Variants in AUTS2 observed in about 807,000 individuals in gnomAD.
AUTS2 encodes activator of transcription and developmental regulator AUTS2.
A neutral mutation model predicts 112.4 loss-of-function variants in AUTS2; 17 were observed. The observed-to-expected ratio is 0.15, with a 90% CI of 0.10 to 0.23. The LOEUF (loss-of-function observed/expected upper bound fraction) is 0.23. Ranked by LOEUF, AUTS2 falls within the 10% of genes least tolerant of loss-of-function variation. AUTS2 has a pLI of 1.00. For missense variants in AUTS2, 1,510 were observed against 1,701.6 expected (o/e 0.89, Z 1.98); for synonymous variants, 751 against 702.7 (o/e 1.07, Z -1.09).
intron 5 of AUTS2, among the ~76,000 whole-genome samples, chr7:70,539,010 C>T (rs1800436029): frequency 6.6e-6 from 1 of 152,120 alleles, no homozygotes; most frequent in South Asian, 2.1e-4. Context: ...GGTAACATAG[C>T]CCCCTCTGGT....
At chr7:70,345,141 A>G (rs931998449) in intron 4 of AUTS2, among the ~76,000 whole-genome samples, 8 of 152,234 alleles carry the variant, frequency 5.3e-5, no homozygotes, top group Non-Finnish European at 1.5e-5. Flanking sequence ...GGTATTCTGC[A>G]GAAGGCTATT....
rs568902046 is a variant in AUTS2, at chr7:70,531,330, C to T, written c.690+95549C>T. 9.2e-5 allele frequency among the ~76,000 whole-genome samples: 14 copies of T among 152,274 alleles called. No individual in the cohort carries two copies. In the East Asian group the frequency reaches 1.4e-3, roughly 15 times the overall value. On this transcript the variant is annotated intron_variant, in intron 5 of 18. Transcript: ENST00000342771. ...TAAGATTTATTAAAGAAACAAAAGT[C>T]GCCAGGCCTGCAGACAGCTAGATCC...
intron 1 of AUTS2, among the ~76,000 whole-genome samples, chr7:69,709,592 G>A (rs77028906): frequency 0.019 from 2,939 of 152,260 alleles, 79 homozygotes; most frequent in South Asian, 0.063. Context: ...TTGGAAATAA[G>A]CACATTTCTG....
chr7:70,563,056 C>T (rs1391672067), intron 5 of AUTS2, among the ~76,000 whole-genome samples: 1 of 152,020 alleles, frequency 6.6e-6, no homozygotes, highest in Non-Finnish European at 1.5e-5. Flanking sequence ...TACAAGGAGA[C>T]AGAATTGTAA....
intron 5 of AUTS2, among the ~76,000 whole-genome samples, chr7:70,468,511 C>T (rs1797254193): frequency 6.6e-6 from 1 of 152,212 alleles, no homozygotes; most frequent in African/African-American, 2.4e-5. Flanking sequence ...TACCTCCCCA[C>T]ATGCTGAGAG....
chr7:70,699,200 A>G (rs561845489), intron 6 of AUTS2: 2 of 119,876 alleles, frequency 1.7e-5, no homozygotes, highest in East Asian at 4.1e-4. Context: ...AATCATTGCC[A>G]GTAGGTTTCT....
intron 5 of AUTS2, among the ~76,000 whole-genome samples, chr7:70,543,547 A>G (rs979559081): frequency 2.0e-5 from 3 of 147,616 alleles, no homozygotes; most frequent in African/African-American, 5.0e-5. Context: ...AAAAAAAAAA[A>G]GGTTAAAAAT....
At chr7:69,727,050 A>T (rs181977929) in intron 1 of AUTS2, among the ~76,000 whole-genome samples, 9 of 152,192 alleles carry the variant, frequency 5.9e-5, no homozygotes, top group Middle Eastern at 6.8e-3. Flanking sequence ...TTTCCATTAT[A>T]TATTTTGTGT....
In AUTS2 at chr7:70,781,622, T is replaced by G. The variant is rs139009492; in HGVS notation, c.2012T>G (p.Met671Arg). ...YHHQQKVKKQ[M>R]QSDPHKLDFG... ...GTTCCCCTTGCTGTGTAGAAACAGA[T>G]GCAGTCAGACCCACATAAGCTGGAC... Residue 671 changes from methionine (M) to arginine (R), a missense_variant, in exon 15 of 19, where the codon ATG becomes AGG. Transcript: ENST00000342771. The G allele has an allele frequency of 6.2e-7, 1 of 1,614,162 alleles. No homozygotes were observed. The highest frequency in any genetic ancestry group is 8.5e-7 in the Non-Finnish European group (1 of 1,180,016).
chr7:70,477,611 T>C (rs1209199183), intron 5 of AUTS2, among the ~76,000 whole-genome samples: 2 of 152,150 alleles, frequency 1.3e-5, no homozygotes, highest in Admixed American at 1.3e-4. Flanking sequence ...CCTGATTTGG[T>C]TGACATTTCC....
intron 5 of AUTS2, among the ~76,000 whole-genome samples, chr7:70,625,834 T>G (rs1804910403): frequency 6.6e-6 from 1 of 152,242 alleles, no homozygotes; most frequent in African/African-American, 2.4e-5. Context: ...TTTAAACTAA[T>G]ATAAAATTGG....
chr7:70,721,278 T>TTGTGTG (rs1385252253), intron 6 of AUTS2, among the ~76,000 whole-genome samples: 1 of 60,484 alleles, frequency 1.7e-5, no homozygotes, highest in African/African-American at 7.5e-5. Context: ...AGAATTTCAT[T>TTGTGTG]CGTGTGTGTG....
intron 4 of AUTS2, among the ~76,000 whole-genome samples, chr7:70,348,526 T>C (rs1648493314): frequency 6.6e-6 from 1 of 152,050 alleles, no homozygotes; most frequent in African/African-American, 2.4e-5. Flanking sequence ...TCCAGCTGGC[T>C]GGGCACGGTG....
At chr7:70,181,073 G>T (rs554554471) in intron 4 of AUTS2, among the ~76,000 whole-genome samples, 16 of 152,182 alleles carry the variant, frequency 1.1e-4, no homozygotes, top group Admixed American at 3.3e-4. Context: ...TATTCTTTAT[G>T]TGCTTTTTTA....
intron 2 of AUTS2, among the ~76,000 whole-genome samples, chr7:70,070,041 A>G (rs1277362649): frequency 6.6e-6 from 1 of 152,154 alleles, no homozygotes; most frequent in East Asian, 1.9e-4. Flanking sequence ...TCATGCAGAG[A>G]AATACCAAAC....
chr7:70,652,728 T>A (rs993365926), intron 5 of AUTS2, among the ~76,000 whole-genome samples: 16 of 151,966 alleles, frequency 1.1e-4, no homozygotes, highest in Middle Eastern at 3.5e-3. Flanking sequence ...CTTACTTTTT[T>A]AAAAAAAGAA....
intron 4 of AUTS2, among the ~76,000 whole-genome samples, chr7:70,204,785 T>G (rs969573636): frequency 3.3e-5 from 5 of 152,178 alleles, no homozygotes; most frequent in Admixed American, 3.3e-4. Flanking sequence ...TCTTAGAGAT[T>G]AAGTATTATC....
At chr7:70,122,835 A>T (rs908878295) in intron 3 of AUTS2, among the ~76,000 whole-genome samples, 1 of 141,576 alleles carries the variant, frequency 7.1e-6, no homozygotes, top group Non-Finnish European at 1.5e-5. Context: ...GTCAAGCACT[A>T]TGGCAATCTG....
At chr7:69,641,383 A>G (rs1442608015) in intron 1 of AUTS2, among the ~76,000 whole-genome samples, 4 of 151,436 alleles carry the variant, frequency 2.6e-5, no homozygotes, top group African/African-American at 7.4e-5. Context: ...AATTAATTGC[A>G]TCATCTATAT....
Sources: allele counts gnomAD v4.1 joint callset (sites outside exome capture counted in the v4.1 genomes callset), GRCh38; gene constraint gnomAD v4.1.1; transcripts MANE v1.5; gene names NCBI Gene and HGNC (gene_info 2026-07-23, HGNC 2026-07-21).